The following MAF variants were observed in gnomAD, a reference collection of about 807,000 sequenced individuals.
MAF encodes transcription factor Maf.
A neutral mutation model predicts 22.0 loss-of-function variants in MAF; 10 were observed. That is an observed-to-expected ratio of 0.45 (90% CI 0.28 to 0.77). The LOEUF is 0.77. Ranked by LOEUF, MAF falls within the 30% of genes least tolerant of loss-of-function variation. The probability of loss-of-function intolerance (pLI) is 0.12; values close to 1 mark genes in which losing one functional copy is unlikely to be tolerated. For missense variants in MAF, 544 were observed against 548.4 expected (o/e 0.99, Z 0.08); for synonymous variants, 337 against 255.8 (o/e 1.32, Z -3.03).
the MAF span, among the ~76,000 whole-genome samples, chr16:79,303,087 C>G: frequency 6.6e-6 from 1 of 151,224 alleles, no homozygotes; most frequent in African/African-American, 2.4e-5. Context: ...AGCGTGTAAT[C>G]TGTGTGTGTG....
At chr16:79,341,238 G>C in the MAF span, among the ~76,000 whole-genome samples, 1 of 152,168 alleles carries the variant, frequency 6.6e-6, no homozygotes, top group Non-Finnish European at 1.5e-5. Context: ...GTGTGGGTAG[G>C]TGCTGGAGCC....
chr16:79,314,678 C>T, the MAF span, among the ~76,000 whole-genome samples: 1 of 152,180 alleles, frequency 6.6e-6, no homozygotes, highest in Non-Finnish European at 1.5e-5. Context: ...GGAGGGTCAT[C>T]AAAGCAATGG....
the MAF span, among the ~76,000 whole-genome samples, chr16:79,429,191 G>C: frequency 6.6e-6 from 1 of 152,132 alleles, no homozygotes; most frequent in Admixed American, 6.5e-5. Context: ...CAGAATTAAG[G>C]CTTAACTCTG....
At chr16:79,243,554 TG>T in the MAF span, among the ~76,000 whole-genome samples, 2 of 151,976 alleles carry the variant, frequency 1.3e-5, no homozygotes, top group African/African-American at 4.8e-5. Context: ...TAACAAGTTC[TG>T]AAAATGATGC....
At chr16:79,437,573 G>C in the MAF span, among the ~76,000 whole-genome samples, 1 of 152,070 alleles carries the variant, frequency 6.6e-6, no homozygotes, top group East Asian at 1.9e-4. Flanking sequence ...CACCCATGTA[G>C]TCCCCCAAGG....
intron 1 of MAF, among the ~76,000 whole-genome samples, chr16:79,588,296 T>G (rs765438607): frequency 9.2e-5 from 14 of 152,186 alleles, no homozygotes; most frequent in Non-Finnish European, 2.1e-4. Flanking sequence ...GCCTTTTACG[T>G]GGGAAGATTG....
At chr16:79,330,899 T>C in the MAF span, among the ~76,000 whole-genome samples, 2 of 152,122 alleles carry the variant, frequency 1.3e-5, no homozygotes, top group Non-Finnish European at 2.9e-5. Flanking sequence ...AAAATTCCCA[T>C]CCCTTCTGCA....
the MAF span, among the ~76,000 whole-genome samples, chr16:79,315,467 T>G: frequency 1.3e-5 from 2 of 152,230 alleles, no homozygotes; most frequent in Non-Finnish European, 2.9e-5. Flanking sequence ...CTTCTACCAA[T>G]GAGAGCATCG....
the MAF span, among the ~76,000 whole-genome samples, chr16:79,482,736 G>C: frequency 6.6e-6 from 1 of 152,008 alleles, no homozygotes; most frequent in Non-Finnish European, 1.5e-5. Context: ...GCTGAGCAGG[G>C]CTGCCTCTAA....
the MAF span, among the ~76,000 whole-genome samples, chr16:79,477,624 TG>T: frequency 6.6e-6 from 1 of 152,232 alleles, no homozygotes; most frequent in South Asian, 2.1e-4. Flanking sequence ...TAATCAACCC[TG>T]GTTTTCTCTT....
chr16:79,247,728 A>G, the MAF span, among the ~76,000 whole-genome samples: 1 of 152,200 alleles, frequency 6.6e-6, no homozygotes, highest in Non-Finnish European at 1.5e-5. Flanking sequence ...TTAAAAAAAT[A>G]AAAGTGGTTT....
At chr16:79,359,328 C>A in the MAF span, among the ~76,000 whole-genome samples, 3 of 152,100 alleles carry the variant, frequency 2.0e-5, no homozygotes, top group African/African-American at 7.2e-5. Flanking sequence ...TTTACAGAGG[C>A]GTTTGCTAAT....
At chr16:79,535,437 A>T in the MAF span, among the ~76,000 whole-genome samples, 1 of 150,908 alleles carries the variant, frequency 6.6e-6, no homozygotes, top group African/African-American at 2.4e-5. Flanking sequence ...AAATTACAGT[A>T]CCGTGCTGAG....
the MAF span, among the ~76,000 whole-genome samples, chr16:79,294,175 GT>G: frequency 1.6e-4 from 24 of 152,202 alleles, no homozygotes; most frequent in African/African-American, 5.8e-4. Flanking sequence ...TGGGGATAAT[GT>G]CAGGGTCATT....
At chr16:79,297,856 G>A in the MAF span, among the ~76,000 whole-genome samples, 1 of 152,186 alleles carries the variant, frequency 6.6e-6, no homozygotes, top group Non-Finnish European at 1.5e-5. Flanking sequence ...GTTCTGTAGA[G>A]CAGGGCGCCC....
the MAF span, among the ~76,000 whole-genome samples, chr16:79,512,167 A>C: frequency 5.3e-5 from 8 of 152,210 alleles, no homozygotes; most frequent in African/African-American, 1.9e-4. Context: ...TGAAAGACAG[A>C]TCTTTCATCC....
the MAF span, among the ~76,000 whole-genome samples, chr16:79,226,939 T>C: frequency 2.0e-5 from 3 of 151,970 alleles, no homozygotes; most frequent in Non-Finnish European, 4.4e-5. Flanking sequence ...CTGACAGAAA[T>C]GGAATGGCTT....
the MAF span, among the ~76,000 whole-genome samples, chr16:79,245,420 A>C: frequency 6.6e-6 from 1 of 152,148 alleles, no homozygotes; most frequent in African/African-American, 2.4e-5. Flanking sequence ...ACACTTATCA[A>C]AAGAAGACAT....
the MAF span, chr16:79,211,586 GTCTT>G: frequency 3.5e-5 from 57 of 1,613,584 alleles, no homozygotes; most frequent in South Asian, 4.4e-5. Context: ...ATTTTTTTTT[GTCTT>G]TCTTCTTGGA....
Sources: gnomAD v4.1 joint callset for allele counts (sites outside exome capture counted in the v4.1 genomes callset) on GRCh38, gnomAD v4.1.1 for gene constraint, MANE v1.5 for transcripts, NCBI Gene and HGNC (gene_info 2026-07-23, HGNC 2026-07-21) for gene names.